Variants in CCDC85C observed in about 807,000 individuals in gnomAD.
The protein encoded by CCDC85C is coiled-coil domain containing 85C, also known as coiled-coil domain-containing protein 85C.
Under a neutral mutation model 38.3 loss-of-function variants are expected in CCDC85C, and 18 were observed. The observed-to-expected ratio is 0.47, with a 90% CI of 0.33 to 0.70. The LOEUF is 0.70. CCDC85C is among the 30% of genes least tolerant of loss of function. The probability of loss-of-function intolerance (pLI) is 0.03; values close to 1 mark genes in which losing one functional copy is unlikely to be tolerated. For synonymous variants in CCDC85C, 264 were observed against 293.8 expected, an observed-to-expected ratio of 0.90 and a Z score of 1.04; for missense variants, 566 against 621.2, an observed-to-expected ratio of 0.91 and a Z score of 0.94.
intron 1 of CCDC85C, among the ~76,000 whole-genome samples, chr14:99,564,365 C>G (rs1020794051): frequency 6.6e-6 from 1 of 152,178 alleles, no homozygotes; most frequent in Non-Finnish European, 1.5e-5. Context: ...GCAGCAGGGC[C>G]CAGCTGACCC....
chr14:99,510,404 A>G lies in CCDC85C; in HGVS notation c.*4842T>C. 1 of 1,551,918 alleles carries G rather than the reference A, an allele frequency of 6.4e-7. No individual in the cohort carries two copies. The highest frequency in any genetic ancestry group is 8.7e-7 in the Non-Finnish European group (1 of 1,150,498). On this transcript the variant is annotated 3_prime_UTR_variant, in exon 6 of 6. Coordinates refer to ENST00000380243, the MANE Select transcript of CCDC85C (RefSeq NM_001144995.2). ...TGCAGTCCATGATGAAGACCGAGGG[A>G]CCCTCCTACGGTGCCCTGCCCCCCG...
intron 1 of CCDC85C, among the ~76,000 whole-genome samples, chr14:99,586,271 A>C (rs567923023): frequency 6.6e-6 from 1 of 152,346 alleles, no homozygotes; most frequent in African/African-American, 2.4e-5. Flanking sequence ...ACCAGCAAGC[A>C]GGGCATAGTC....
chr14:99,578,053 G>GTGTGTGTT (rs796137976), intron 1 of CCDC85C, among the ~76,000 whole-genome samples: 2,919 of 132,770 alleles, frequency 0.022, 128 homozygotes, highest in African/African-American at 0.053. Flanking sequence ...CCATCAGAGT[G>GTGTGTGTT]TGTGTGTGTG....
chr14:99,580,897 C>T (rs551830141), intron 1 of CCDC85C, among the ~76,000 whole-genome samples: 1 of 152,172 alleles, frequency 6.6e-6, no homozygotes, highest in South Asian at 2.1e-4. Flanking sequence ...TGTTCATCTT[C>T]TTCCAGAAGA....
chr14:99,596,571 G>A (rs920483952), intron 1 of CCDC85C, among the ~76,000 whole-genome samples: 7 of 152,330 alleles, frequency 4.6e-5, no homozygotes, highest in East Asian at 1.9e-4. Flanking sequence ...CGGCTGACCC[G>A]GCTCCAGGCC....
chr14:99,502,961 C>T lies in CCDC85C; in HGVS notation c.*12285G>A. On this transcript the variant is annotated 3_prime_UTR_variant, in exon 6 of 6. Coordinates refer to ENST00000380243, the MANE Select transcript of CCDC85C (RefSeq NM_001144995.2). Reference sequence around the variant, plus strand: ...GAAACCCTCTCCGCAGCCCAGTTCTCCCCGACAGGTTAAGCGAGCCGTGGT... The same window carrying T: ...GAAACCCTCTCCGCAGCCCAGTTCTTCCCGACAGGTTAAGCGAGCCGTGGT... 1.9e-6 allele frequency: 3 copies of T among 1,613,990 alleles called. No homozygotes were observed. Among genetic ancestry groups the T allele is most frequent in the Non-Finnish European group, 2.5e-6 (3 of 1,179,896 alleles).
chr14:99,550,133 G>A (rs1206008293), intron 1 of CCDC85C, among the ~76,000 whole-genome samples: 1 of 152,224 alleles, frequency 6.6e-6, no homozygotes, highest in Non-Finnish European at 1.5e-5. Context: ...ACCCCTCAAA[G>A]ATGCCCCCAC....
At chr14:99,560,367 C>T (rs901123530) in intron 1 of CCDC85C, among the ~76,000 whole-genome samples, 1 of 152,196 alleles carries the variant, frequency 6.6e-6, no homozygotes, top group Non-Finnish European at 1.5e-5. Context: ...GTTTTCCCAT[C>T]TGTAAAATGA....
Position 99,515,196 on chromosome 14 carries a change from C to G in CCDC85C, c.*50G>C. ...CTGCCCGTGTCTGGGGCCTGAAACT[C>G]CCCCTGGGGACCCCCAGCAGGGCCA... On this transcript the variant is annotated 3_prime_UTR_variant, in exon 6 of 6. Transcript: ENST00000380243. 5 of 1,416,440 alleles carry G rather than the reference C, an allele frequency of 3.5e-6. No individual in the cohort carries two copies. The highest frequency in any genetic ancestry group is 4.8e-6 in the Non-Finnish European group (5 of 1,031,418). The allele number at this position is 1,416,440 out of a possible 1,614,324, so 87.7% of individuals were successfully genotyped here.
At position 99,514,560 on chromosome 14, in the gene CCDC85C, A is replaced by G. The variant is rs1229870931; in HGVS notation, c.*686T>C. 6.6e-6 allele frequency: 1 copy of G among 151,978 alleles called. No homozygotes were observed. The highest frequency in any genetic ancestry group is 1.5e-5 in the Non-Finnish European group (1 of 68,230). The allele number at this position is 151,978 out of a possible 1,614,324, so 9.4% of individuals were successfully genotyped here. ...AGCCTGGACAGGGTGGCAGGGGGAC[A>G]TTGCAGAGACTGGGGGGGAGGGGGA... On this transcript the variant is annotated 3_prime_UTR_variant, in exon 6 of 6. Coordinates refer to ENST00000380243, the MANE Select transcript of CCDC85C (RefSeq NM_001144995.2).
chr14:99,524,669 T>C (rs1417124838), intron 2 of CCDC85C, among the ~76,000 whole-genome samples: 2 of 152,180 alleles, frequency 1.3e-5, no homozygotes, highest in Non-Finnish European at 2.9e-5. Flanking sequence ...TAAATCCAAA[T>C]TAAAAATCCT....
At position 99,510,801 on chromosome 14, in the gene CCDC85C, CTTTGTTTT is replaced by C; in HGVS notation, c.*4437_*4444del. On this transcript the variant is annotated 3_prime_UTR_variant, in exon 6 of 6. Coordinates refer to ENST00000380243, the MANE Select transcript of CCDC85C (RefSeq NM_001144995.2). The stretch of plus-strand genomic sequence containing the variant: ...GAGATAACGTGAGCCTTTTTTCCCT[CTTTGTTTT>C]TTTAACAAGATTTTCTAATCGACTT... The C allele has an allele frequency of 7.1e-7, 1 of 1,412,448 alleles. No individual in the cohort carries two copies. Among genetic ancestry groups the C allele is most frequent in the Non-Finnish European group, 9.2e-7 (1 of 1,082,794 alleles). 87.5% of individuals were successfully genotyped at this position (1,412,448 alleles called of 1,614,324 possible).
In CCDC85C at chr14:99,503,291, C is replaced by T. The variant is rs1200663503; in HGVS notation, c.*11955G>A. ...CCTAGCAGTGTCGTTGTGCATGCTG[C>T]TTCTGTGCAGCTGCCTGACCCCAAA... On this transcript the variant is annotated 3_prime_UTR_variant, in exon 6 of 6. Coordinates refer to ENST00000380243, the MANE Select transcript of CCDC85C (RefSeq NM_001144995.2). The T allele has an allele frequency of 1.6e-6, 1 of 615,166 alleles. No homozygotes were observed. The highest frequency in any genetic ancestry group is 2.9e-6 in the Non-Finnish European group (1 of 342,840). The allele number at this position is 615,166 out of a possible 1,614,324, so 38.1% of individuals were successfully genotyped here.
Position 99,502,682 on chromosome 14 carries a change from CAATTTGTGTAAAATG to C in CCDC85C, c.*12549_*12563del. On this transcript the variant is annotated 3_prime_UTR_variant, in exon 6 of 6. Coordinates refer to ENST00000380243, the MANE Select transcript of CCDC85C (RefSeq NM_001144995.2). ...CCAGGTAAAATTTTATTTAAAATACCAATTTGTGTAAAATGTAATTGTTGGCTATCATTTAGACAT... is the reference window on the plus strand; with the variant it reads ...CCAGGTAAAATTTTATTTAAAATACCTAATTGTTGGCTATCATTTAGACAT... 1 of 1,588,428 alleles carries C rather than the reference CAATTTGTGTAAAATG, an allele frequency of 6.3e-7. No homozygotes were observed. The highest frequency in any genetic ancestry group is 8.6e-7 in the Non-Finnish European group (1 of 1,157,676).
At chr14:99,570,295 T>A (rs1898310287) in intron 1 of CCDC85C, among the ~76,000 whole-genome samples, 1 of 152,226 alleles carries the variant, frequency 6.6e-6, no homozygotes, top group Admixed American at 6.5e-5. Context: ...CTGGGGCCAC[T>A]GTGAGCCAGG....
chr14:99,519,299 T>G (rs1331615027), intron 3 of CCDC85C, among the ~76,000 whole-genome samples: 2 of 125,166 alleles, frequency 1.6e-5, no homozygotes, highest in African/African-American at 5.8e-5. Flanking sequence ...TTTTTTTTGG[T>G]AGAGATGGGG....
rs1019400311 is a variant in CCDC85C, at chr14:99,572,256, A to C, written c.793+30911T>G. Among the ~76,000 whole-genome samples the C allele has an allele frequency of 1.3e-5, 2 of 152,072 alleles. No individual in the cohort carries two copies. The highest frequency in any genetic ancestry group is 2.9e-5 in the Non-Finnish European group (2 of 68,006). ...TGGCCAGGCTGTGGCCCTCCCCGAG[A>C]GTCCCTCCCTCCCCAGGGATGGGTC... On this transcript the variant is annotated intron_variant, in intron 1 of 5. Transcript: ENST00000380243. The surrounding 1 kb of genome is among the most constrained non-coding windows in gnomAD (Gnocchi z 4.4).
In CCDC85C at chr14:99,513,419, C is replaced by A. The variant is rs1268249139; in HGVS notation, c.*1827G>T. ...CGTGTACACCCCTAGTGACCGGGAG[C>A]GCACCACCTGACCGGGCGACACTCC... On this transcript the variant is annotated 3_prime_UTR_variant, in exon 6 of 6. Transcript: ENST00000380243. The A allele has an allele frequency of 1.3e-5, 2 of 152,248 alleles. No individual in the cohort carries two copies. Among genetic ancestry groups the A allele is most frequent in the Non-Finnish European group, 2.9e-5 (2 of 68,082 alleles). 9.4% of individuals were successfully genotyped at this position (152,248 alleles called of 1,614,324 possible). A position where few individuals can be genotyped will look rare whatever the true frequency, so the allele number is the denominator to read the frequency against.
At position 99,603,438 on chromosome 14, in the gene CCDC85C, G is replaced by C; in HGVS notation, c.522C>G (p.Ala174=). The C allele has an allele frequency of 7.1e-6, 9 of 1,268,108 alleles. No homozygotes were observed. Among genetic ancestry groups the C allele is most frequent in the Non-Finnish European group, 8.9e-6 (9 of 1,010,742 alleles). The allele number at this position is 1,268,108 out of a possible 1,614,324, so 78.6% of individuals were successfully genotyped here. Residue 174 remains alanine (A), a synonymous_variant, in exon 1 of 6, where the codon GCC becomes GCG. Transcript: ENST00000380243. This position sits in a 1 kb window ranked among gnomAD's most constrained non-coding sequence, Gnocchi z 7.5. ...ASGGGGGGGG[A]GSRSSIDSQA... ...GGCTGTCGATGGAGCTGCGGGAGCC[G>C]GCGCCGCCCCCGCCGCCGCCGCCAC...
Sources: allele counts gnomAD v4.1 joint callset (sites outside exome capture counted in the v4.1 genomes callset), GRCh38; gene constraint gnomAD v4.1.1; non-coding constraint Gnocchi (gnomAD v3.1); transcripts MANE v1.5; gene names NCBI Gene and HGNC (gene_info 2026-07-23, HGNC 2026-07-21).